Variants in PKD1L1 observed in about 807,000 individuals in gnomAD.
PKD1L1 encodes polycystin 1 like 1, transient receptor potential channel interacting.
Under a neutral mutation model 323.4 loss-of-function variants are expected in PKD1L1, and 236 were observed. The observed-to-expected ratio is 0.73, with a 90% CI of 0.66 to 0.81. The LOEUF (loss-of-function observed/expected upper bound fraction) is 0.81. Among genes scored for constraint, PKD1L1 ranks in the 40% least tolerant of loss-of-function variants. PKD1L1 has a pLI of 0.00. For synonymous variants in PKD1L1, 1,344 were observed against 1,335.0 expected, an observed-to-expected ratio of 1.01 and a Z score of -0.15; for missense variants, 3,320 against 3,508.0, an observed-to-expected ratio of 0.95 and a Z score of 1.35.
intron 7 of PKD1L1, among the ~76,000 whole-genome samples, chr7:47,916,904 T>C (rs916427201): frequency 1.3e-5 from 2 of 152,122 alleles, no homozygotes; most frequent in African/African-American, 4.8e-5. Flanking sequence ...TCTGGTAATA[T>C]GACAAAACAA....
chr7:47,796,726 G>A (rs1784542784), intron 54 of PKD1L1, among the ~76,000 whole-genome samples: 1 of 151,970 alleles, frequency 6.6e-6, no homozygotes, highest in African/African-American at 2.4e-5. Flanking sequence ...AGTGGCTCAT[G>A]CCTGTAATCC....
At chr7:47,908,358 A>G (rs1787252728) in intron 8 of PKD1L1, 108 bp from the exon 9 acceptor site, 1 of 1,032,096 alleles carries the variant, frequency 9.7e-7, no homozygotes, top group African/African-American at 1.6e-5. Context: ...GAACTGATAC[A>G]GGAGAGGTGA....
At chr7:47,871,254 A>AGCTT (rs112552474) in intron 24 of PKD1L1, among the ~76,000 whole-genome samples, 48,868 of 151,834 alleles carry the variant, frequency 0.32, 8,356 homozygotes, top group African/African-American at 0.43. Flanking sequence ...CTTGTATCTT[A>AGCTT]GTTTGTGCTA....
At chr7:47,842,707 C>T (rs981973470) in intron 34 of PKD1L1, among the ~76,000 whole-genome samples, 4 of 152,150 alleles carry the variant, frequency 2.6e-5, no homozygotes, top group South Asian at 2.1e-4. Flanking sequence ...CATATCTCCC[C>T]GGGCTGCTTT....
intron 52 of PKD1L1, among the ~76,000 whole-genome samples, chr7:47,806,797 C>T (rs1784788387): frequency 6.6e-6 from 1 of 152,198 alleles, no homozygotes; most frequent in African/African-American, 2.4e-5. Context: ...ATGCAATATC[C>T]GGAGATAAGG....
intron 56 of PKD1L1, among the ~76,000 whole-genome samples, chr7:47,789,467 A>G (rs1216064744): frequency 6.6e-6 from 1 of 152,198 alleles, no homozygotes; most frequent in African/African-American, 2.4e-5. Flanking sequence ...TCGTAAAAAG[A>G]TTCATCTCTT....
chr7:47,960,743 G>A, the PKD1L1 span, among the ~76,000 whole-genome samples: 1 of 148,624 alleles, frequency 6.7e-6, no homozygotes, highest in Non-Finnish European at 1.5e-5. Context: ...CTCAAAAGAA[G>A]ACAAGCAAAT....
intron 41 of PKD1L1, among the ~76,000 whole-genome samples, chr7:47,831,724 G>A (rs1785352559): frequency 6.6e-6 from 1 of 152,190 alleles, no homozygotes; most frequent in Non-Finnish European, 1.5e-5. Context: ...CTGCCTTGCT[G>A]TGCCCTCAGA....
chr7:47,874,353 A>T (rs2128745245), intron 23 of PKD1L1, among the ~76,000 whole-genome samples: 1 of 152,282 alleles, frequency 6.6e-6, no homozygotes, highest in South Asian at 2.1e-4. Context: ...GGCTGTGGTG[A>T]GGGGACCTGC....
rs1363398300 is a variant in PKD1L1, at chr7:47,848,692, CT to C, written c.4961-1622del. ...TGGTGGCGCATGCCTGTAATCCCAG[CT>C]ACTCAGGAGGCTGAGGCAGGAGAAT... On this transcript the variant is annotated intron_variant, in intron 31 of 56. Transcript: ENST00000289672. Among the ~76,000 whole-genome samples, 3 of 152,254 alleles carry C rather than the reference CT, an allele frequency of 2.0e-5. No individual in the cohort carries two copies. In the East Asian group the frequency reaches 5.8e-4, roughly 29 times the overall value.
chr7:47,836,000 G>A (rs1056957836), intron 37 of PKD1L1, among the ~76,000 whole-genome samples: 2 of 152,206 alleles, frequency 1.3e-5, no homozygotes, highest in Non-Finnish European at 2.9e-5. Flanking sequence ...AAAGTGGTTA[G>A]TGGTCCAACA....
At chr7:47,796,569 G>A (rs1013105690) in intron 54 of PKD1L1, among the ~76,000 whole-genome samples, 31 of 152,168 alleles carry the variant, frequency 2.0e-4, no homozygotes, top group African/African-American at 7.2e-4. Context: ...GCAAGTTGTT[G>A]TGCCCTCAAC....
the PKD1L1 span, chr7:47,957,084 A>C: frequency 6.5e-6 from 1 of 154,640 alleles, no homozygotes; most frequent in East Asian, 1.9e-4. Context: ...TTTTGTGCAT[A>C]TATCTTCTGC....
chr7:47,911,718 C>T (rs973436407), intron 8 of PKD1L1, among the ~76,000 whole-genome samples: 9 of 152,072 alleles, frequency 5.9e-5, no homozygotes, highest in East Asian at 1.9e-4. Flanking sequence ...CTGCTAAAAG[C>T]GGCAAATATC....
intron 4 of PKD1L1, 140 bp downstream of exon 4, chr7:47,936,706 A>C: frequency 1.6e-6 from 1 of 640,402 alleles, no homozygotes; most frequent in Non-Finnish European, 2.7e-6. Context: ...TTTTCCATCA[A>C]TTTAAGAGCT....
intron 36 of PKD1L1, among the ~76,000 whole-genome samples, chr7:47,838,744 G>A (rs968852368): frequency 7.2e-5 from 11 of 152,032 alleles, no homozygotes; most frequent in Non-Finnish European, 1.5e-4. Context: ...CGGGCATGGT[G>A]GCGTGTGCCT....
intron 52 of PKD1L1, among the ~76,000 whole-genome samples, chr7:47,804,468 A>ATT (rs1562937726): frequency 2.0e-5 from 2 of 100,520 alleles, no homozygotes; most frequent in East Asian, 3.3e-4. Flanking sequence ...TTACATTTTT[A>ATT]ATTTTTTTTT....
At chr7:47,936,747 G>A in intron 4 of PKD1L1, 99 bp downstream of exon 4, 1 of 927,630 alleles carries the variant, frequency 1.1e-6, no homozygotes, top group Non-Finnish European at 1.7e-6. Flanking sequence ...GGGCCATGTA[G>A]GAACAAGCAT....
chr7:47,795,552 A>G, intron 55 of PKD1L1: 1 of 351,200 alleles, frequency 2.8e-6, no homozygotes, highest in South Asian at 2.2e-5. Flanking sequence ...TTCAGTGTGC[A>G]AACGCCTGGT....
Sources: gnomAD v4.1 joint callset for allele counts (sites outside exome capture counted in the v4.1 genomes callset) on GRCh38, gnomAD v4.1.1 for gene constraint, MANE v1.5 for transcripts, NCBI Gene and HGNC (gene_info 2026-07-23, HGNC 2026-07-21) for gene names.